The following SLC14A2 variants were observed in gnomAD, a reference collection of about 807,000 sequenced individuals.
SLC14A2 encodes the protein solute carrier family 14 member 2, also known as urea transporter 2.
A neutral mutation model predicts 104.6 loss-of-function variants in SLC14A2; 91 were observed. The ratio of observed to expected loss-of-function variants is 0.87; its 90% CI spans 0.73 to 1.04. SLC14A2 has a LOEUF of 1.04. Among genes scored for constraint, SLC14A2 ranks in the 50% least tolerant of loss-of-function variants. The pLI is 0.00. For missense variants in SLC14A2, 1,189 were observed against 1,156.0 expected (o/e 1.03, Z -0.41); for synonymous variants, 476 against 466.4 (o/e 1.02, Z -0.27).
intron 2 of SLC14A2, among the ~76,000 whole-genome samples, chr18:45,491,075 T>C (rs1211448516): frequency 6.6e-6 from 1 of 152,214 alleles, no homozygotes; most frequent in Non-Finnish European, 1.5e-5. Context: ...AGGATATACA[T>C]ACCCTATGAC....
intron 2 of SLC14A2, among the ~76,000 whole-genome samples, chr18:45,495,774 T>G (rs2043086424): frequency 1.3e-5 from 2 of 152,160 alleles, no homozygotes; most frequent in South Asian, 2.1e-4. Context: ...CCAGTTAAAT[T>G]TGGGGCTGAA....
At chr18:45,536,394 T>C (rs1323823197) in intron 2 of SLC14A2, among the ~76,000 whole-genome samples, 3 of 152,224 alleles carry the variant, frequency 2.0e-5, no homozygotes, top group Admixed American at 6.5e-5. Context: ...TTGGCAAAGT[T>C]GGCTCCTTCT....
At chr18:45,408,158 G>A (rs116325767) in intron 1 of SLC14A2, among the ~76,000 whole-genome samples, 122 of 152,298 alleles carry the variant, frequency 8.0e-4, no homozygotes, top group African/African-American at 2.9e-3. Context: ...TCTTTGAGCT[G>A]AGGTACAAAT....
intron 1 of SLC14A2, chr18:45,436,774 T>A (rs2542973): frequency 0.8 from 121,034 of 151,796 alleles, 48,475 homozygotes; most frequent in South Asian, 0.93. Context: ...AGAAGCTGAG[T>A]AAGGATGGCT....
chr18:45,448,165 T>G (rs888435), intron 1 of SLC14A2, among the ~76,000 whole-genome samples: 39,441 of 152,148 alleles, frequency 0.26, 5,608 homozygotes, highest in Admixed American at 0.41. Context: ...TTATTTTTGT[T>G]GATTTGTATA....
At chr18:45,479,987 C>T (rs2144694201) in intron 1 of SLC14A2, among the ~76,000 whole-genome samples, 1 of 152,194 alleles carries the variant, frequency 6.6e-6, no homozygotes, top group Admixed American at 6.5e-5. Context: ...GATGGCCTTC[C>T]CCAAGAAAGG....
intron 1 of SLC14A2, among the ~76,000 whole-genome samples, chr18:45,246,939 CT>C (rs2084373099): frequency 6.6e-6 from 1 of 152,178 alleles, no homozygotes; most frequent in Non-Finnish European, 1.5e-5. Context: ...GATAAGATAG[CT>C]TGTTCAGACC....
intron 2 of SLC14A2, among the ~76,000 whole-genome samples, chr18:45,541,028 G>T (rs1003999699): frequency 2.0e-5 from 3 of 152,160 alleles, no homozygotes; most frequent in Non-Finnish European, 4.4e-5. Context: ...CCTTTGAGAA[G>T]AACACAAGCT....
At chr18:45,403,682 A>C (rs144576065) in intron 1 of SLC14A2, among the ~76,000 whole-genome samples, 1 of 152,262 alleles carries the variant, frequency 6.6e-6, no homozygotes, top group Non-Finnish European at 1.5e-5. Flanking sequence ...TGGGGAAAAA[A>C]AAAATGCTGT....
chr18:45,420,899 C>T (rs1389165073), intron 1 of SLC14A2, among the ~76,000 whole-genome samples: 1 of 152,000 alleles, frequency 6.6e-6, no homozygotes, highest in East Asian at 1.9e-4. Flanking sequence ...CACCACCACG[C>T]CTAGCTAACT....
At chr18:45,554,584 A>T (rs1435653723) in intron 2 of SLC14A2, among the ~76,000 whole-genome samples, 2 of 152,078 alleles carry the variant, frequency 1.3e-5, no homozygotes, top group Non-Finnish European at 2.9e-5. Context: ...GCATGGCCAC[A>T]TCTGGAAAAC....
intron 1 of SLC14A2, among the ~76,000 whole-genome samples, chr18:45,417,324 C>T (rs555772718): frequency 1.1e-4 from 17 of 152,214 alleles, no homozygotes; most frequent in African/African-American, 4.1e-4. Context: ...TTATTTCTTA[C>T]AGGCCATTTG....
At chr18:45,564,448 T>A (rs2044241029) in intron 2 of SLC14A2, among the ~76,000 whole-genome samples, 2 of 151,790 alleles carry the variant, frequency 1.3e-5, no homozygotes, top group South Asian at 4.2e-4. Flanking sequence ...GTAACAGGAG[T>A]GTTCCTGGCA....
At position 45,402,588 on chromosome 18, in the gene SLC14A2, TCTATCCAGGAGA is replaced by T. The variant is rs202059241; in HGVS notation, c.-124-80641_-124-80630del. ...AGTAGATCTTGTCAACATTGAAATA[TCTATCCAGGAGA>T]CTAGAAGGAAAAGAATCATAAAATC... On this transcript the variant is annotated intron_variant, in intron 1 of 20. Coordinates refer to the SLC14A2 transcript ENST00000586448. Among the ~76,000 whole-genome samples, 1,423 of 152,346 alleles carry T rather than the reference TCTATCCAGGAGA, an allele frequency of 9.3e-3. 21 individuals are homozygous for T. Among genetic ancestry groups the T allele is most frequent in the South Asian group, 0.081 (391 of 4,826 alleles).
intron 4 of SLC14A2, among the ~76,000 whole-genome samples, 198 bp from the exon 5 acceptor site, chr18:45,632,128 GGTGTGTGTGTGTGTGTTTGTGTGT>G (rs2045353781): frequency 8.0e-6 from 1 of 125,212 alleles, no homozygotes. Flanking sequence ...GCAAGACAAG[GGTGTGTGTGTGTGTGTTTGTGTGT>G]GTGTGTGTGT....
At chr18:45,641,144 A>G in intron 7 of SLC14A2, 65 bp from the exon 8 acceptor site, 1 of 1,552,596 alleles carries the variant, frequency 6.4e-7, no homozygotes, top group South Asian at 1.2e-5. Context: ...ACCTGGCACC[A>G]GTCCCAGGGT....
rs374738450 is a variant in SLC14A2, at chr18:45,231,946, G to T, written c.-125+18755G>T. Among the ~76,000 whole-genome samples the T allele has an allele frequency of 1.3e-4, 20 of 152,170 alleles. No individual in the cohort carries two copies. In the East Asian group the frequency reaches 2.7e-3, roughly 21 times the overall value. On this transcript the variant is annotated intron_variant, in intron 1 of 20. Transcript: ENST00000586448. Reference sequence around the variant, plus strand: ...ACAAAGAAGAAACACAGGCTGCTCTGGGAAGAAGCAACTGATGAAGCTGGA... The same window carrying T: ...ACAAAGAAGAAACACAGGCTGCTCTTGGAAGAAGCAACTGATGAAGCTGGA...
the SLC14A2 span, chr18:45,168,456 T>C: frequency 6.6e-6 from 1 of 152,108 alleles, no homozygotes; most frequent in Non-Finnish European, 1.5e-5. Context: ...AAAATGAAAA[T>C]AATGAGTCAT....
intron 1 of SLC14A2, among the ~76,000 whole-genome samples, chr18:45,227,126 A>G (rs2144010749): frequency 6.6e-6 from 1 of 152,296 alleles, no homozygotes; most frequent in African/African-American, 2.4e-5. Flanking sequence ...CTCCCCAGCA[A>G]AAGCAGACTT....
Sources: allele counts gnomAD v4.1 joint callset (sites outside exome capture counted in the v4.1 genomes callset), GRCh38; gene constraint gnomAD v4.1.1; transcripts MANE v1.5; gene names NCBI Gene and HGNC (gene_info 2026-07-23, HGNC 2026-07-21).